LIN7A: variants seen among roughly 807,000 people sequenced by gnomAD.
LIN7A encodes lin-7 cell polarity scaffold A.
In LIN7A, 25 loss-of-function variants were observed where a neutral mutation model predicts 29.8. The observed-to-expected ratio is 0.84, with a 90% CI of 0.61 to 1.17. The LOEUF is 1.17. Among genes scored for constraint, LIN7A ranks in the 50% most tolerant of loss-of-function variants. The pLI is 0.00. For missense variants in LIN7A, 239 were observed against 287.0 expected (o/e 0.83, Z 1.21); for synonymous variants, 118 against 107.5 (o/e 1.10, Z -0.60).
chr12:80,872,309 A>G (rs1016884938), intron 2 of LIN7A, among the ~76,000 whole-genome samples: 1 of 152,140 alleles, frequency 6.6e-6, no homozygotes, highest in Non-Finnish European at 1.5e-5. Context: ...TCCCTCAGCT[A>G]TAATGATGAG....
chr12:80,866,184 A>C (rs1874127000), intron 2 of LIN7A, among the ~76,000 whole-genome samples: 1 of 152,220 alleles, frequency 6.6e-6, no homozygotes, highest in Non-Finnish European at 1.5e-5. Flanking sequence ...GGAGTCTCTC[A>C]CTTTTAATTA....
At position 80,884,303 on chromosome 12, in the gene LIN7A, A is replaced by ATG. The variant is rs200385523; in HGVS notation, c.201+4946_201+4947dup. Among the ~76,000 whole-genome samples, 647 of 152,300 alleles carry ATG rather than the reference A, an allele frequency of 4.2e-3. 8 individuals are homozygous for ATG. The highest frequency in any genetic ancestry group is 3.7e-3 in the Non-Finnish European group (253 of 68,004). ...GATTTGGTTTGATCATTGTGTATCA[A>ATG]TGTGTGTCAGGAGAGCCTGGGTAAT... On this transcript the variant is annotated intron_variant, in intron 2 of 5. Transcript: ENST00000552864.
intron 1 of LIN7A, among the ~76,000 whole-genome samples, chr12:80,893,571 G>C (rs1875736857): frequency 6.6e-6 from 1 of 152,150 alleles, no homozygotes; most frequent in African/African-American, 2.4e-5. Flanking sequence ...AGATCATTGG[G>C]AGATAAGAGA....
intron 1 of LIN7A, among the ~76,000 whole-genome samples, chr12:80,929,956 G>A (rs1877802548): frequency 2.0e-5 from 3 of 152,072 alleles, no homozygotes; most frequent in Admixed American, 6.5e-5. Context: ...ACCCAGCTGT[G>A]ATTTCATGCT....
intron 1 of LIN7A, among the ~76,000 whole-genome samples, chr12:80,915,795 C>G (rs1363135112): frequency 6.6e-6 from 1 of 152,186 alleles, no homozygotes; most frequent in Non-Finnish European, 1.5e-5. Flanking sequence ...CAAAATACCA[C>G]ACGTTCTCAC....
chr12:80,803,955 C>G (rs1870844389), intron 5 of LIN7A, among the ~76,000 whole-genome samples: 3 of 152,150 alleles, frequency 2.0e-5, no homozygotes, highest in Non-Finnish European at 2.9e-5. Context: ...GAGCAAGAGG[C>G]TTTAAAGCCC....
intron 1 of LIN7A, among the ~76,000 whole-genome samples, chr12:80,922,971 G>A (rs984995116): frequency 6.6e-6 from 1 of 152,060 alleles, no homozygotes; most frequent in African/African-American, 2.4e-5. Flanking sequence ...TTGCATAAGT[G>A]GGGGGCACTA....
intron 2 of LIN7A, among the ~76,000 whole-genome samples, chr12:80,854,485 CCAAAAA>C (rs1873498379): frequency 2.7e-5 from 1 of 37,112 alleles, no homozygotes; most frequent in African/African-American, 9.4e-5. Flanking sequence ...TGTTGCTAAG[CCAAAAA>C]AAAAAAAAAA....
chr12:80,919,409 G>A (rs1277289145), intron 1 of LIN7A, among the ~76,000 whole-genome samples: 1 of 152,230 alleles, frequency 6.6e-6, no homozygotes, highest in African/African-American at 2.4e-5. Flanking sequence ...TTCCAAATAA[G>A]TGAGAAAAAT....
chr12:80,826,319 A>G (rs1000928169), intron 4 of LIN7A, among the ~76,000 whole-genome samples: 1 of 152,194 alleles, frequency 6.6e-6, no homozygotes, highest in East Asian at 1.9e-4. Context: ...AGTTCCTGCT[A>G]TCACTAGTCA....
intron 2 of LIN7A, among the ~76,000 whole-genome samples, chr12:80,865,051 A>G (rs180735980): frequency 4.7e-4 from 71 of 152,300 alleles, no homozygotes; most frequent in African/African-American, 1.7e-3. Context: ...TTGCTCATTC[A>G]TTTTTATTGG....
chr12:80,935,720 C>A (rs761488022), intron 1 of LIN7A: 1 of 465,996 alleles, frequency 2.1e-6, no homozygotes, highest in South Asian at 1.6e-5. Context: ...TTTCCATGAG[C>A]TGCTGATGAA....
intron 4 of LIN7A, among the ~76,000 whole-genome samples, chr12:80,818,616 C>A (rs1871647164): frequency 6.6e-6 from 1 of 152,166 alleles, no homozygotes; most frequent in Non-Finnish European, 1.5e-5. Flanking sequence ...TTAGGCCAGT[C>A]ATTCTTAAAC....
At chr12:80,933,285 C>T (rs987178378) in intron 1 of LIN7A, among the ~76,000 whole-genome samples, 12 of 151,910 alleles carry the variant, frequency 7.9e-5, no homozygotes, top group South Asian at 4.2e-4. Flanking sequence ...ATAATTAATG[C>T]GTTATTATTT....
chr12:80,896,344 C>T (rs1257404906), intron 1 of LIN7A, among the ~76,000 whole-genome samples: 1 of 152,214 alleles, frequency 6.6e-6, no homozygotes, highest in East Asian at 1.9e-4. Context: ...ATAACACTGG[C>T]TACTGACTTA....
At chr12:80,863,108 T>G (rs747678339) in intron 2 of LIN7A, among the ~76,000 whole-genome samples, 8 of 152,344 alleles carry the variant, frequency 5.3e-5, no homozygotes, top group Non-Finnish European at 1.2e-4. Context: ...ATTTGTAGCC[T>G]AAGATGGGCT....
intron 4 of LIN7A, among the ~76,000 whole-genome samples, chr12:80,820,959 A>T (rs1254303065): frequency 6.6e-6 from 1 of 152,176 alleles, no homozygotes; most frequent in Non-Finnish European, 1.5e-5. Flanking sequence ...TGTGACCGCC[A>T]GTTCTCATTG....
intron 1 of LIN7A, among the ~76,000 whole-genome samples, chr12:80,933,368 G>A (rs564609283): frequency 6.6e-6 from 1 of 152,232 alleles, no homozygotes; most frequent in Non-Finnish European, 1.5e-5. Flanking sequence ...AGTTGTGACT[G>A]TGGACCTGCT....
chr12:80,848,196 A>G, intron 3 of LIN7A, 55 bp downstream of exon 3: 1 of 1,294,960 alleles, frequency 7.7e-7, no homozygotes, highest in Non-Finnish European at 1.1e-6. Context: ...CACGCGCACA[A>G]TCAATTACTA....
Sources: allele counts gnomAD v4.1 joint callset (sites outside exome capture counted in the v4.1 genomes callset), GRCh38; gene constraint gnomAD v4.1.1; transcripts MANE v1.5; gene names NCBI Gene and HGNC (gene_info 2026-07-23, HGNC 2026-07-21).